Variants in ADGRB3 observed in about 807,000 individuals in gnomAD.
ADGRB3 encodes the protein brain-specific angiogenesis inhibitor 3.
A neutral mutation model predicts 193.4 loss-of-function variants in ADGRB3; 37 were observed. The ratio of observed to expected loss-of-function variants is 0.19; its 90% CI spans 0.15 to 0.25. The LOEUF (loss-of-function observed/expected upper bound fraction) is 0.25, where lower values mean the gene tolerates loss of function less well. ADGRB3 is among the 10% of genes least tolerant of loss of function. The probability of loss-of-function intolerance (pLI) is 1.00; values close to 1 mark genes in which losing one functional copy is unlikely to be tolerated. For missense variants in ADGRB3, 1,637 were observed against 1,852.9 expected, an observed-to-expected ratio of 0.88 and a Z score of 2.14; for synonymous variants, 690 against 644.2, an observed-to-expected ratio of 1.07 and a Z score of -1.08.
At position 69,018,416 on chromosome 6, in the gene ADGRB3, T is replaced by G; in HGVS notation, c.2024T>G (p.Met675Arg). 6.2e-7 allele frequency: 1 copy of G among 1,607,018 alleles called. No individual in the cohort carries two copies. The highest frequency in any genetic ancestry group is 8.5e-7 in the Non-Finnish European group (1 of 1,174,638). The change falls in exon 13 of 32, where the codon ATG (methionine) becomes AGG (arginine). Residue 675 changes from methionine (M) to arginine (R), a missense_variant. Transcript: ENST00000370598. ...ATTTATCCAGGGTCAATAGAGTTAA[T>G]GCAGGTGATTGAAGATTTTATACAC... is the stretch of plus-strand genomic sequence containing the variant. ...QQIYPGSIEL[M>R]QVIEDFIHIV...
At chr6:68,718,283 A>C (rs1401961086) in intron 3 of ADGRB3, among the ~76,000 whole-genome samples, 1 of 151,696 alleles carries the variant, frequency 6.6e-6, no homozygotes, top group Non-Finnish European at 1.5e-5. Flanking sequence ...CGACAGATCT[A>C]CTGAATTAGA....
rs1342985590 is a variant in ADGRB3, at chr6:68,897,991, A to T, written c.758-32568A>T. ...AATTATATATAATATTACATATTAT[A>T]TATATAATAAAAATGTATATATATA... On this transcript the variant is annotated intron_variant, in intron 3 of 31. Transcript: ENST00000370598. Among the ~76,000 whole-genome samples, 4 of 147,608 alleles carry T rather than the reference A, an allele frequency of 2.7e-5. 1 individual carries two copies. The South Asian group carries it at 6.3e-4, about 23-fold the overall frequency.
At chr6:68,966,259 C>T (rs573357824) in intron 8 of ADGRB3, among the ~76,000 whole-genome samples, 27 of 152,240 alleles carry the variant, frequency 1.8e-4, no homozygotes, top group African/African-American at 5.8e-4. Flanking sequence ...TCCCTAATTA[C>T]ATCATTTAGA....
chr6:68,738,062 A>C (rs1765906030), intron 3 of ADGRB3, among the ~76,000 whole-genome samples: 1 of 152,168 alleles, frequency 6.6e-6, no homozygotes, highest in African/African-American at 2.4e-5. Context: ...ACTAAGAAGA[A>C]ATTGAGAGCA....
intron 3 of ADGRB3, among the ~76,000 whole-genome samples, chr6:68,843,846 T>C (rs1419326537): frequency 2.0e-5 from 3 of 151,962 alleles, no homozygotes; most frequent in African/African-American, 7.2e-5. Flanking sequence ...TAGAACAAAA[T>C]AGACAACTCA....
At chr6:69,031,092 TTCTCTTCTCTTCTCTTCTCTTCTC>T (rs1562129028) in intron 13 of ADGRB3, among the ~76,000 whole-genome samples, 1,650 of 93,666 alleles carry the variant, frequency 0.018, 233 homozygotes, top group Middle Eastern at 0.038. Flanking sequence ...TTCTCTTCTC[TTCTCTTCTCTTCTCTTCTCTTCTC>T]TCTCTTCTCT....
chr6:69,257,132 A>C (rs893988454), intron 20 of ADGRB3, among the ~76,000 whole-genome samples: 1 of 152,080 alleles, frequency 6.6e-6, no homozygotes, highest in Non-Finnish European at 1.5e-5. Flanking sequence ...TTTTTGCATC[A>C]ATGTTCATCA....
intron 3 of ADGRB3, among the ~76,000 whole-genome samples, chr6:68,693,084 A>T (rs1445612221): frequency 6.6e-6 from 1 of 151,854 alleles, no homozygotes; most frequent in Non-Finnish European, 1.5e-5. Flanking sequence ...TTTGGAACTG[A>T]ATGTTTTTTA....
chr6:68,968,287 A>G (rs1031239536), intron 8 of ADGRB3, among the ~76,000 whole-genome samples: 1 of 152,098 alleles, frequency 6.6e-6, no homozygotes, highest in Non-Finnish European at 1.5e-5. Context: ...TTTTCTAACT[A>G]CACATTTGAC....
intron 18 of ADGRB3, among the ~76,000 whole-genome samples, chr6:69,234,151 C>CA (rs1303452427): frequency 6.6e-6 from 1 of 152,050 alleles, no homozygotes; most frequent in Admixed American, 6.6e-5. Context: ...ATTTTGATGA[C>CA]AAAAAACTAA....
chr6:68,831,305 A>T (rs1264255703), intron 3 of ADGRB3, among the ~76,000 whole-genome samples: 3 of 8,668 alleles, frequency 3.5e-4, no homozygotes, highest in African/African-American at 7.1e-4. Flanking sequence ...GAGAAGATTA[A>T]AAAAAAAAAA....
At chr6:69,195,062 G>A (rs1765268348) in intron 17 of ADGRB3, among the ~76,000 whole-genome samples, 1 of 152,090 alleles carries the variant, frequency 6.6e-6, no homozygotes, top group South Asian at 2.1e-4. Flanking sequence ...TGGTAGAAGT[G>A]GAGAAGAAGA....
At chr6:68,854,088 T>C (rs1312417009) in intron 3 of ADGRB3, among the ~76,000 whole-genome samples, 1 of 152,178 alleles carries the variant, frequency 6.6e-6, no homozygotes, top group Non-Finnish European at 1.5e-5. Flanking sequence ...AGTCTCAGGA[T>C]TTTGTGTCGT....
At chr6:68,762,262 C>T (rs1412298674) in intron 3 of ADGRB3, among the ~76,000 whole-genome samples, 2 of 152,026 alleles carry the variant, frequency 1.3e-5, no homozygotes, top group East Asian at 3.9e-4. Context: ...TCCTCATTCT[C>T]TCTCTCAGTT....
Position 69,235,236 on chromosome 6 carries a change from C to A in ADGRB3, c.2711+101C>A, listed in dbSNP as rs955353860. The stretch of plus-strand genomic sequence containing the variant: ...AAATGTCTCCTGTCTTCTTAATTTA[C>A]TGAAAGCAGTATTTTTACAACAGAG... On this transcript the variant is annotated intron_variant, in intron 19 of 31. Transcript: ENST00000370598. 4 of 913,306 alleles carry A rather than the reference C, an allele frequency of 4.4e-6. No individual in the cohort carries two copies. In the African/African-American group the frequency reaches 5.0e-5, roughly 11 times the overall value. The allele number at this position is 913,306 out of a possible 1,614,324, so 56.6% of individuals were successfully genotyped here. A position where few individuals can be genotyped will look rare whatever the true frequency, so the allele number is the denominator to read the frequency against.
At chr6:69,078,334 T>G (rs1333845493) in intron 17 of ADGRB3, among the ~76,000 whole-genome samples, 1 of 151,998 alleles carries the variant, frequency 6.6e-6, no homozygotes, top group Non-Finnish European at 1.5e-5. Context: ...ATCACCATCT[T>G]GGGCCTCCAC....
intron 20 of ADGRB3, among the ~76,000 whole-genome samples, chr6:69,288,404 T>A (rs1333403482): frequency 6.6e-6 from 1 of 152,182 alleles, no homozygotes; most frequent in Non-Finnish European, 1.5e-5. Flanking sequence ...TGCATAGTAT[T>A]CCATGGTGTA....
intron 3 of ADGRB3, among the ~76,000 whole-genome samples, chr6:68,854,340 T>G (rs1764896215): frequency 6.6e-6 from 1 of 152,174 alleles, no homozygotes; most frequent in African/African-American, 2.4e-5. Flanking sequence ...TTTCTATAAT[T>G]AATAATGATA....
At chr6:68,926,721 A>G (rs748099072) in intron 3 of ADGRB3, among the ~76,000 whole-genome samples, 1 of 152,128 alleles carries the variant, frequency 6.6e-6, no homozygotes, top group Non-Finnish European at 1.5e-5. Flanking sequence ...AAAAATACAC[A>G]TGGTAAAATA....
Sources: gnomAD v4.1 joint callset for allele counts (sites outside exome capture counted in the v4.1 genomes callset) on GRCh38, gnomAD v4.1.1 for gene constraint, MANE v1.5 for transcripts, NCBI Gene and HGNC (gene_info 2026-07-23, HGNC 2026-07-21) for gene names.